USP42: variants seen among roughly 807,000 people sequenced by gnomAD.
USP42 encodes the protein ubiquitin carboxyl-terminal hydrolase 42.
A neutral mutation model predicts 113.0 loss-of-function variants in USP42; 23 were observed. The observed-to-expected ratio is 0.20, with a 90% confidence interval of 0.15 to 0.29. USP42 has a LOEUF of 0.29. Ranked by LOEUF, USP42 falls within the 10% of genes least tolerant of loss-of-function variation. The probability of loss-of-function intolerance (pLI) is 1.00; values close to 1 mark genes in which losing one functional copy is unlikely to be tolerated. For missense variants in USP42, 2,174 were observed against 1,779.8 expected, an observed-to-expected ratio of 1.22 and a Z score of -3.99; for synonymous variants, 933 against 699.0, an observed-to-expected ratio of 1.33 and a Z score of -5.28.
intron 3 of USP42, chr7:6,116,353 C>T (rs1779912050): frequency 5.9e-6 from 1 of 168,842 alleles, no homozygotes; most frequent in Non-Finnish European, 1.3e-5. Flanking sequence ...ATTAAAATGT[C>T]TTTAATTAGA....
intron 8 of USP42, among the ~76,000 whole-genome samples, chr7:6,143,215 C>A (rs1329396712): frequency 6.6e-6 from 1 of 152,144 alleles, no homozygotes; most frequent in Non-Finnish European, 1.5e-5. Flanking sequence ...AGCTCTGTGC[C>A]TGTGAAAGCC....
chr7:6,135,182 A>G (rs556990725), intron 3 of USP42, among the ~76,000 whole-genome samples: 1 of 152,286 alleles, frequency 6.6e-6, no homozygotes, highest in South Asian at 2.1e-4. Flanking sequence ...CTTTTCCTGT[A>G]TAGAGAGTAG....
chr7:6,117,660 C>T (rs1421850721), intron 3 of USP42, among the ~76,000 whole-genome samples: 2 of 152,212 alleles, frequency 1.3e-5, no homozygotes, highest in Non-Finnish European at 2.9e-5. Context: ...AGTCCCACCA[C>T]TGGTGAATGA....
At chr7:6,087,480 G>A in the USP42 span, among the ~76,000 whole-genome samples, 1 of 149,056 alleles carries the variant, frequency 6.7e-6, no homozygotes, top group Non-Finnish European at 1.5e-5. Context: ...GGGACTACAT[G>A]TGGATGCCAC....
chr7:6,101,677 G>C (rs1215626158), upstream of USP42, among the ~76,000 whole-genome samples: 1 of 151,134 alleles, frequency 6.6e-6, no homozygotes, highest in African/African-American at 2.5e-5. Context: ...GGGTCTCTAT[G>C]TTTGCTTTGA....
At chr7:6,092,035 C>CTTCTTCTTCT in the USP42 span, among the ~76,000 whole-genome samples, 26 of 98,296 alleles carry the variant, frequency 2.6e-4, no homozygotes, top group African/African-American at 1.0e-3. Flanking sequence ...TCTTCTTCTT[C>CTTCTTCTTCT]TTCTTCTTCT....
chr7:6,134,107 C>T (rs541417266), intron 3 of USP42, among the ~76,000 whole-genome samples: 1 of 151,982 alleles, frequency 6.6e-6, no homozygotes, highest in South Asian at 2.1e-4. Flanking sequence ...TAGCCAGGAT[C>T]GTCTCGATCT....
At chr7:6,094,701 G>A in the USP42 span, among the ~76,000 whole-genome samples, 2 of 151,058 alleles carry the variant, frequency 1.3e-5, no homozygotes, top group Non-Finnish European at 2.9e-5. Context: ...CTCTGAGCAT[G>A]GCACTATTCT....
intron 15 of USP42, among the ~76,000 whole-genome samples, 199 bp downstream of exon 15, chr7:6,155,394 A>G (rs9648588): frequency 0.16 from 24,375 of 152,146 alleles, 2,334 homozygotes; most frequent in Admixed American, 0.23. Flanking sequence ...TTGAAGCTGT[A>G]TCTTTATTCT....
chr7:6,125,816 TTTTG>T (rs1418436797), intron 3 of USP42, among the ~76,000 whole-genome samples: 1 of 152,104 alleles, frequency 6.6e-6, no homozygotes. Flanking sequence ...TGATTTTAGT[TTTTG>T]TTTTTTTTTT....
chr7:6,092,047 C>CTTCT, the USP42 span, among the ~76,000 whole-genome samples: 1 of 77,768 alleles, frequency 1.3e-5, no homozygotes, highest in East Asian at 2.8e-4. Flanking sequence ...TCTTCTTCTT[C>CTTCT]TTCTTCTTTC....
At chr7:6,134,118 C>G (rs1781002450) in intron 3 of USP42, among the ~76,000 whole-genome samples, 2 of 152,026 alleles carry the variant, frequency 1.3e-5, no homozygotes, top group Non-Finnish European at 2.9e-5. Context: ...GTCTCGATCT[C>G]CTGACCTCGT....
rs560519884 is a variant in USP42, at chr7:6,159,432, C to T, written c.3944-18C>T. The T allele has an allele frequency of 5.6e-6, 9 of 1,613,868 alleles. No homozygotes were observed. The highest frequency in any genetic ancestry group is 2.7e-5 in the African/African-American group (2 of 74,922). Reference sequence around the variant, plus strand: ...TGCAACCATCATTAAAATCTCTTTCCTGACCTTTGCTTTCTAGGTGATTGA... The same window carrying T: ...TGCAACCATCATTAAAATCTCTTTCTTGACCTTTGCTTTCTAGGTGATTGA... On this transcript the variant is annotated intron_variant, in intron 16 of 17. Transcript: ENST00000306177. The surrounding 1 kb of genome is among the most constrained non-coding windows in gnomAD (Gnocchi z 4.1).
At chr7:6,098,388 C>T in the USP42 span, among the ~76,000 whole-genome samples, 6 of 150,124 alleles carry the variant, frequency 4.0e-5, no homozygotes, top group South Asian at 2.1e-4. Flanking sequence ...TATCCATTCC[C>T]GGGCTTATTT....
In USP42 at chr7:6,154,755, C is replaced by T. The variant is rs1408805700; in HGVS notation, c.3201C>T (p.Ala1067=). The T allele has an allele frequency of 2.6e-6, 4 of 1,563,234 alleles. No homozygotes were observed. Among genetic ancestry groups the T allele is most frequent in the South Asian group, 1.2e-5 (1 of 84,796 alleles). The change falls in exon 15 of 18, where the codon GCC becomes GCT. Residue 1067 remains alanine, a synonymous_variant. Transcript: ENST00000306177. ...DRCRYYHDRY[A]LYAARDWKPF... ...GCCGGTACTACCATGACAGGTACGC[C>T]CTGTACGCTGCCCGGGACTGGAAGC...
chr7:6,088,039 C>A, the USP42 span, among the ~76,000 whole-genome samples: 2 of 151,094 alleles, frequency 1.3e-5, no homozygotes, highest in South Asian at 2.1e-4. Context: ...GTGGCTCATA[C>A]CTGTAATGCC....
chr7:6,128,538 A>G (rs1037120581), intron 3 of USP42, among the ~76,000 whole-genome samples: 3 of 152,160 alleles, frequency 2.0e-5, no homozygotes, highest in African/African-American at 7.2e-5. Flanking sequence ...TTCTGTAAAC[A>G]GCGTATCGTT....
rs1485363757 is a variant in USP42, at chr7:6,161,444, G to C, written c.*926G>C. ...ATAATCTGTATGGTTTATACAGTTT[G>C]TGTTGTTCAGAGATGTTTAAAGTTT... On this transcript the variant is annotated 3_prime_UTR_variant, in exon 18 of 18. Coordinates refer to ENST00000306177, the MANE Select transcript of USP42 (RefSeq NM_032172.3). The C allele has an allele frequency of 6.6e-6, 1 of 152,600 alleles. No individual in the cohort carries two copies. Among genetic ancestry groups the C allele is most frequent in the African/African-American group, 2.4e-5 (1 of 41,434 alleles). 9.5% of individuals were successfully genotyped at this position (152,600 alleles called of 1,614,324 possible). A position where few individuals can be genotyped will look rare whatever the true frequency, so the allele number is the denominator to read the frequency against.
chr7:6,110,258 A>G (rs1779524228), intron 1 of USP42, among the ~76,000 whole-genome samples: 1 of 152,180 alleles, frequency 6.6e-6, no homozygotes. Flanking sequence ...CTGGCTGGGA[A>G]CGCTGGACCT....
Sources: gnomAD v4.1 joint callset for allele counts (sites outside exome capture counted in the v4.1 genomes callset) on GRCh38, gnomAD v4.1.1 for gene constraint, Gnocchi (gnomAD v3.1) non-coding constraint, MANE v1.5 for transcripts, NCBI Gene and HGNC (gene_info 2026-07-23, HGNC 2026-07-21) for gene names.